PYM1: variants seen among roughly 807,000 people sequenced by gnomAD.
The protein encoded by PYM1 is partner of Y14 and mago.
Under a neutral mutation model 20.7 loss-of-function variants are expected in PYM1, and 7 were observed. The observed-to-expected ratio is 0.34, with a 90% CI of 0.19 to 0.64. The LOEUF (loss-of-function observed/expected upper bound fraction) is 0.64. Among genes scored for constraint, PYM1 ranks in the 30% least tolerant of loss-of-function variants. PYM1 has a pLI of 0.74. For synonymous variants in PYM1, 100 were observed against 99.2 expected, an observed-to-expected ratio of 1.01 and a Z score of -0.05; for missense variants, 194 against 250.0, an observed-to-expected ratio of 0.78 and a Z score of 1.51.
At chr12:55,926,982 G>A (rs1008820384) in intron 1 of PYM1, 75 of 1,319,948 alleles carry the variant, frequency 5.7e-5, no homozygotes, top group Non-Finnish European at 6.5e-5. Context: ...GCAAAGGAGG[G>A]GCCCCGGGAT....
rs1396745111 is a variant in PYM1, at chr12:55,905,969, A to C, written c.38-2489T>G. 3.8e-5 allele frequency among the ~76,000 whole-genome samples: 5 copies of C among 131,084 alleles called. 1 individual carries two copies. In the East Asian group the frequency reaches 1.0e-3, roughly 26 times the overall value. 86.0% of individuals were successfully genotyped at this position (131,084 alleles called of 152,430 possible). On this transcript the variant is annotated intron_variant, in intron 1 of 2. Transcript: ENST00000408946. Reference sequence around the variant, plus strand: ...ATATTATTATATATATCTAATAGATATATATATTATTATATATAATATAAA... The same window carrying C: ...ATATTATTATATATATCTAATAGATCTATATATTATTATATATAATATAAA...
rs111771641 is a variant in PYM1, at chr12:55,918,204, T to C, written c.37+9521A>G. On this transcript the variant is annotated intron_variant, in intron 1 of 2. Transcript: ENST00000408946. ...GCTCCGCCTCCCGGGTTCACGCCAT[T>C]CTCCTGCCTCAGTCTCCCGAGTAGC... Among the ~76,000 whole-genome samples, 45 of 151,806 alleles carry C rather than the reference T, an allele frequency of 3.0e-4. 3 individuals carry two copies. Among genetic ancestry groups the C allele is most frequent in the African/African-American group, 1.1e-3 (44 of 41,424 alleles).
At chr12:55,902,393 TACTG>T (rs1349415401) in intron 2 of PYM1, 38 bp from the exon 3 acceptor site, 1 of 1,565,192 alleles carries the variant, frequency 6.4e-7, no homozygotes. Flanking sequence ...TTCAGAGAAT[TACTG>T]ACTTTTTGAT....
chr12:55,919,935 A>G (rs920204509), intron 1 of PYM1, among the ~76,000 whole-genome samples: 2 of 152,042 alleles, frequency 1.3e-5, no homozygotes, highest in East Asian at 3.8e-4. Context: ...GGCTGGGTGC[A>G]GTGGCTCATG....
In PYM1 at chr12:55,902,050, G is replaced by A; in HGVS notation, c.437C>T (p.Ala146Val). The A allele has an allele frequency of 6.2e-7, 1 of 1,614,150 alleles. No individual in the cohort carries two copies. The highest frequency in any genetic ancestry group is 1.3e-5 in the African/African-American group (1 of 75,060). Residue 146 changes from alanine (A) to valine (V), a missense_variant, in exon 3 of 3, where the codon GCC (alanine) becomes GTC (valine). This residue lies in a region of PYM1 where 158 missense variants were observed against 179.0 expected (regional missense o/e 0.88). Coordinates refer to ENST00000408946, the MANE Select transcript of PYM1 (RefSeq NM_032345.3). ...TAASDQPDSA[A>V]TTEKAKKIKN... Reference sequence around the variant, plus strand: ...TATCTTCTTGGCTTTCTCAGTGGTGGCAGCTGAGTCAGGCTGGTCAGATGC... The same window carrying A: ...TATCTTCTTGGCTTTCTCAGTGGTGACAGCTGAGTCAGGCTGGTCAGATGC...
intron 1 of PYM1, among the ~76,000 whole-genome samples, chr12:55,905,905 A>AGATATATATTATTATATATATCTAT: frequency 1.5e-5 from 1 of 65,922 alleles, no homozygotes; most frequent in African/African-American, 5.8e-5. Flanking sequence ...TATATATCTA[A>AGATATATATTATTATATATATCTAT]TAGATATATA....
intron 1 of PYM1, among the ~76,000 whole-genome samples, chr12:55,909,196 A>G (rs549538603): frequency 2.8e-4 from 43 of 152,180 alleles, no homozygotes; most frequent in South Asian, 4.1e-4. Context: ...AACCAAAGAA[A>G]AAAAACTAGG....
intron 1 of PYM1, among the ~76,000 whole-genome samples, chr12:55,907,064 C>CAT (rs548254342): frequency 2.9e-3 from 412 of 142,812 alleles, no homozygotes; most frequent in African/African-American, 9.3e-3. Flanking sequence ...ACATATCAAA[C>CAT]ATATATATAT....
intron 1 of PYM1, among the ~76,000 whole-genome samples, chr12:55,916,507 AAAG>A (rs1883010296): frequency 6.6e-6 from 1 of 151,466 alleles, no homozygotes; most frequent in African/African-American, 2.4e-5. Context: ...ACTACATTTA[AAAG>A]TAGTCAGCCA....
At position 55,926,106 on chromosome 12, in the gene PYM1, C is replaced by G. The variant is rs537605062; in HGVS notation, c.37+1619G>C. Among the ~76,000 whole-genome samples, 3 of 152,222 alleles carry G rather than the reference C, an allele frequency of 2.0e-5. No homozygotes were observed. In the South Asian group the frequency reaches 6.2e-4, roughly 31 times the overall value. On this transcript the variant is annotated intron_variant, in intron 1 of 2. Transcript: ENST00000408946. ...AGGCACAGGCACACTGTTGCTTCTA[C>G]AGACTACAGACTACACATATGAGGG...
intron 1 of PYM1, among the ~76,000 whole-genome samples, chr12:55,909,352 C>T (rs935176684): frequency 6.6e-5 from 10 of 152,142 alleles, no homozygotes; most frequent in South Asian, 2.1e-4. Flanking sequence ...TTTCAGGCAA[C>T]GACAAATAGA....
intron 1 of PYM1, among the ~76,000 whole-genome samples, chr12:55,915,200 C>T (rs1331876292): frequency 1.1e-5 from 1 of 92,230 alleles, no homozygotes; most frequent in Non-Finnish European, 2.0e-5. Flanking sequence ...GGGCAACAGT[C>T]CAAGACTCTG....
intron 1 of PYM1, chr12:55,927,293 G>A (rs779569876): frequency 1.1e-6 from 1 of 948,214 alleles, no homozygotes; most frequent in South Asian, 1.4e-5. Context: ...AAATAAAGCC[G>A]TGGGCTTTTT....
intron 1 of PYM1, among the ~76,000 whole-genome samples, chr12:55,924,475 G>A (rs372387765): frequency 6.6e-6 from 1 of 152,032 alleles, no homozygotes; most frequent in East Asian, 1.9e-4. Context: ...AGTCTGCATC[G>A]CTTCATTTTT....
Position 55,903,043 on chromosome 12 carries a change from A to C in PYM1, c.131+344T>G, listed in dbSNP as rs182058521. 3.3e-5 allele frequency among the ~76,000 whole-genome samples: 5 copies of C among 152,298 alleles called. No homozygotes were observed. In the East Asian group the frequency reaches 9.6e-4, roughly 29 times the overall value. ...AGTAATCCACCTGCCTAGGCCTCCC[A>C]AAGTGCTCAGATTACAGATGTAGGC... On this transcript the variant is annotated intron_variant, in intron 2 of 2. Transcript: ENST00000408946.
At chr12:55,907,925 G>A (rs555096036) in intron 1 of PYM1, among the ~76,000 whole-genome samples, 17 of 149,694 alleles carry the variant, frequency 1.1e-4, no homozygotes, top group Non-Finnish European at 1.8e-4. Context: ...GCAACAGAGC[G>A]AGACTCCGTC....
At chr12:55,925,657 G>A (rs1883175051) in intron 1 of PYM1, among the ~76,000 whole-genome samples, 1 of 152,216 alleles carries the variant, frequency 6.6e-6, no homozygotes. Flanking sequence ...ATGAGGATTA[G>A]AGTGACAGTG....
chr12:55,914,154 A>G, intron 1 of PYM1: 1 of 587,868 alleles, frequency 1.7e-6, no homozygotes, highest in Admixed American at 2.9e-5. Context: ...TAGAGATTAT[A>G]GCTGAAGGTT....
chr12:55,901,745 G>A lies in PYM1; in HGVS notation c.*127C>T. The stretch of plus-strand genomic sequence containing the variant: ...ACGCTAGGCTCTGGAGGACAGAGCT[G>A]GGCCGCAGGAGGTGGAAGTAAGCCA... On this transcript the variant is annotated 3_prime_UTR_variant, in exon 3 of 3. Coordinates refer to ENST00000408946, the MANE Select transcript of PYM1 (RefSeq NM_032345.3). The A allele has an allele frequency of 7.7e-7, 1 of 1,296,360 alleles. No homozygotes were observed. Among genetic ancestry groups the A allele is most frequent in the South Asian group, 1.5e-5 (1 of 67,224 alleles). The allele number at this position is 1,296,360 out of a possible 1,614,324, so 80.3% of individuals were successfully genotyped here.
Sources: gnomAD v4.1 joint callset for allele counts (sites outside exome capture counted in the v4.1 genomes callset) on GRCh38, gnomAD v4.1.1 for gene constraint, gnomAD v4.1.1 regional missense constraint, MANE v1.5 for transcripts, NCBI Gene and HGNC (gene_info 2026-07-23, HGNC 2026-07-21) for gene names.